The following ALKBH3 variants were observed in gnomAD, a reference collection of about 807,000 sequenced individuals.
ALKBH3 encodes alkB homolog 3, alpha-ketoglutarate dependent dioxygenase, also known as alpha-ketoglutarate-dependent dioxygenase alkB homolog 3.
A neutral mutation model predicts 43.9 loss-of-function variants in ALKBH3; 51 were observed. The observed-to-expected ratio is 1.16, with a 90% CI of 0.93 to 1.47. The LOEUF (loss-of-function observed/expected upper bound fraction) is 1.47. ALKBH3 is among the 40% of genes most tolerant of loss of function. The probability of loss-of-function intolerance (pLI) is 0.00; values close to 1 mark genes in which losing one functional copy is unlikely to be tolerated. For synonymous variants in ALKBH3, 102 were observed against 115.2 expected (o/e 0.89, Z 0.73); for missense variants, 361 against 351.9 (o/e 1.03, Z -0.21).
At position 43,910,795 on chromosome 11, in the gene ALKBH3, T is replaced by C. The variant is rs115390377; in HGVS notation, c.670-8243T>C. Among the ~76,000 whole-genome samples the C allele has an allele frequency of 7.3e-3, 1,116 of 152,230 alleles. 9 individuals are homozygous for C. The highest frequency in any genetic ancestry group is 0.025 in the African/African-American group (1,057 of 41,496). ...TACAGTACTAAAATGACTTTTTTTTTCACCCTGATGTCCTTAATTCCAATC... is the reference window on the plus strand; with the variant it reads ...TACAGTACTAAAATGACTTTTTTTTCCACCCTGATGTCCTTAATTCCAATC... On this transcript the variant is annotated intron_variant, in intron 8 of 9. Transcript: ENST00000302708.
intron 4 of ALKBH3, among the ~76,000 whole-genome samples, chr11:43,885,419 C>G (rs1251856986): frequency 6.6e-6 from 1 of 152,182 alleles, no homozygotes; most frequent in African/African-American, 2.4e-5. Flanking sequence ...CCTGCTATGC[C>G]TACATTTTGG....
At chr11:43,913,318 G>A (rs1368069874) in intron 8 of ALKBH3, among the ~76,000 whole-genome samples, 4 of 152,060 alleles carry the variant, frequency 2.6e-5, no homozygotes, top group East Asian at 1.9e-4. Context: ...CATAGTACCC[G>A]ATAGGTAGTT....
intron 7 of ALKBH3, among the ~76,000 whole-genome samples, chr11:43,895,279 C>T (rs1951810959): frequency 6.6e-6 from 1 of 152,204 alleles, no homozygotes; most frequent in Admixed American, 6.5e-5. Flanking sequence ...GTATCAAGGG[C>T]AGGGCCAGGT....
intron 7 of ALKBH3, among the ~76,000 whole-genome samples, chr11:43,893,794 C>G (rs1033346398): frequency 6.6e-6 from 1 of 152,122 alleles, no homozygotes; most frequent in Non-Finnish European, 1.5e-5. Context: ...TTGGCTGGCT[C>G]ATAACTTTGC....
intron 7 of ALKBH3, chr11:43,899,189 A>C (rs1951842599): frequency 2.6e-6 from 2 of 769,856 alleles, no homozygotes; most frequent in African/African-American, 1.7e-5. Context: ...AGGTGGGAAC[A>C]ATGTGCAGCT....
intron 8 of ALKBH3, among the ~76,000 whole-genome samples, chr11:43,913,896 A>C (rs1226956466): frequency 6.6e-6 from 1 of 152,230 alleles, no homozygotes; most frequent in African/African-American, 2.4e-5. Context: ...ATAACTCAGG[A>C]AATTTCACAT....
At position 43,889,741 on chromosome 11, in the gene ALKBH3, G is replaced by C. The variant is rs779780686; in HGVS notation, c.283G>C (p.Gly95Arg). Residue 95 changes from glycine (G) to arginine (R), a missense_variant, in exon 6 of 10, where the codon GGC becomes CGC. Coordinates refer to ENST00000302708, the MANE Select transcript of ALKBH3 (RefSeq NM_139178.4). ...TGVSRVCLYP[G>R]FVDVKEADWI... ...TGCACCCAGGGTCTGTTTGTATCCT[G>C]GCTTTGTTGACGTGAAAGAAGCTGA... The C allele has an allele frequency of 1.4e-5, 23 of 1,613,984 alleles. No homozygotes were observed. The Admixed American group carries it at 3.5e-4, about 25-fold the overall frequency.
At chr11:43,916,918 CCTT>C (rs1951987988) in intron 8 of ALKBH3, 2 of 152,190 alleles carry the variant, frequency 1.3e-5, no homozygotes, top group South Asian at 2.1e-4. Flanking sequence ...CTGTCTGTCT[CCTT>C]CTGCAAATTA....
intron 8 of ALKBH3, among the ~76,000 whole-genome samples, chr11:43,902,635 G>T (rs978959640): frequency 2.0e-5 from 3 of 152,152 alleles, no homozygotes; most frequent in African/African-American, 4.8e-5. Context: ...TCACTCTGTC[G>T]CCCAGGCTGG....
At chr11:43,908,847 C>T (rs1446159533) in intron 8 of ALKBH3, among the ~76,000 whole-genome samples, 1 of 152,202 alleles carries the variant, frequency 6.6e-6, no homozygotes, top group Non-Finnish European at 1.5e-5. Flanking sequence ...TTTGTGCTGT[C>T]GATGCCTGCT....
chr11:43,906,333 C>G (rs113080119), intron 8 of ALKBH3, among the ~76,000 whole-genome samples: 4 of 152,258 alleles, frequency 2.6e-5, no homozygotes, highest in African/African-American at 9.6e-5. Flanking sequence ...GTCATAAATA[C>G]TGATATTTTT....
intron 8 of ALKBH3, among the ~76,000 whole-genome samples, chr11:43,902,246 C>CT (rs1951868637): frequency 6.6e-6 from 1 of 152,116 alleles, no homozygotes; most frequent in African/African-American, 2.4e-5. Context: ...ACAGGTGAAT[C>CT]TAACTCTTTC....
intron 1 of ALKBH3, 150 bp from the exon 2 acceptor site, chr11:43,882,430 GCTT>G: frequency 2.3e-6 from 1 of 428,492 alleles, no homozygotes; most frequent in Non-Finnish European, 4.1e-6. Flanking sequence ...AAATGACTAG[GCTT>G]CTTGAATGAA....
chr11:43,886,556 G>A (rs373068984), intron 4 of ALKBH3, 50 bp from the exon 5 acceptor site: 4 of 1,579,506 alleles, frequency 2.5e-6, no homozygotes, highest in Non-Finnish European at 3.5e-6. Flanking sequence ...ACTGGGTATA[G>A]CATATTGTTT....
intron 9 of ALKBH3, chr11:43,919,653 T>C (rs527936646): frequency 3.6e-5 from 14 of 385,642 alleles, no homozygotes; most frequent in African/African-American, 2.1e-4. Flanking sequence ...ATTTGGGAAA[T>C]GGCAGGTGTC....
chr11:43,915,215 G>GAA (rs978733020), intron 8 of ALKBH3, among the ~76,000 whole-genome samples: 3 of 78,368 alleles, frequency 3.8e-5, no homozygotes, highest in African/African-American at 9.1e-5. Flanking sequence ...CTCAAAAAAA[G>GAA]AAAAAAAAAA....
At chr11:43,895,396 G>A (rs1358955911) in intron 7 of ALKBH3, among the ~76,000 whole-genome samples, 1 of 152,134 alleles carries the variant, frequency 6.6e-6, no homozygotes, top group Admixed American at 6.6e-5. Flanking sequence ...CTGCACATGC[G>A]CTCTTGCCTG....
intron 2 of ALKBH3, 63 bp downstream of exon 2, chr11:43,882,794 A>G: frequency 6.7e-7 from 1 of 1,484,800 alleles, no homozygotes; most frequent in African/African-American, 1.4e-5. Context: ...TCTTTTATTT[A>G]TATCCTTTTG....
At chr11:43,904,145 A>C (rs905683979) in intron 8 of ALKBH3, among the ~76,000 whole-genome samples, 14 of 152,212 alleles carry the variant, frequency 9.2e-5, no homozygotes, top group Non-Finnish European at 1.5e-5. Context: ...ATGATAATAC[A>C]GGCCATGAAA....
Sources: gnomAD v4.1 joint callset for allele counts (sites outside exome capture counted in the v4.1 genomes callset) on GRCh38, gnomAD v4.1.1 for gene constraint, MANE v1.5 for transcripts, NCBI Gene and HGNC (gene_info 2026-07-23, HGNC 2026-07-21) for gene names.